The following B3GALNT2 variants were observed in gnomAD, a reference collection of about 807,000 sequenced individuals.
The protein encoded by B3GALNT2 is beta-1,3-N-acetylgalactosaminyltransferase 2.
A neutral mutation model predicts 61.1 loss-of-function variants in B3GALNT2; 53 were observed. The observed-to-expected ratio is 0.87, with a 90% CI of 0.70 to 1.09. B3GALNT2 has a LOEUF of 1.09. Among genes scored for constraint, B3GALNT2 ranks in the 50% least tolerant of loss-of-function variants. B3GALNT2 has a pLI of 0.00. For synonymous variants in B3GALNT2, 223 were observed against 237.4 expected (o/e 0.94, Z 0.56); for missense variants, 544 against 623.0 (o/e 0.87, Z 1.35).
rs914788710 is a variant in B3GALNT2, at chr1:235,447,997, T to C, written c.*2209A>G. ...GGGCCAGGGCGGGCGGATCACGAGG[T>C]CAGGAGTTCAAGACCAGCCTGGCCA... On this transcript the variant is annotated 3_prime_UTR_variant, in exon 12 of 12. Transcript: ENST00000366600. Among the ~76,000 whole-genome samples, 14 of 151,684 alleles carry C rather than the reference T, an allele frequency of 9.2e-5. No individual in the cohort carries two copies. Among genetic ancestry groups the C allele is most frequent in the African/African-American group, 3.1e-4 (13 of 41,302 alleles).
rs201318545 is a variant in B3GALNT2 at position 235,448,419 on chromosome 1, G to T, written c.*1787C>A. 16 of 1,614,070 alleles carry T rather than the reference G, an allele frequency of 9.9e-6. No individual in the cohort carries two copies. In the East Asian group the frequency reaches 1.8e-4, roughly 18 times the overall value. On this transcript the variant is annotated 3_prime_UTR_variant, in exon 12 of 12. Transcript: ENST00000366600. The stretch of plus-strand genomic sequence containing the variant: ...TCAAAGTTCCTGTGTCAGACCTTCT[G>T]TTGTCCTATGAAAGTCCCAAAGTAA...
intron 2 of B3GALNT2, among the ~76,000 whole-genome samples, chr1:235,491,132 A>G (rs991490574): frequency 1.3e-5 from 2 of 152,136 alleles, no homozygotes; most frequent in Non-Finnish European, 2.9e-5. Flanking sequence ...GTGTTCCAAA[A>G]CTATTACCTG....
chr1:235,480,211 AG>A, intron 4 of B3GALNT2, 62 bp from the exon 5 acceptor site: 1 of 1,589,774 alleles, frequency 6.3e-7, no homozygotes, highest in Non-Finnish European at 8.6e-7. Context: ...ATATGCAAAA[AG>A]TTTTCAAACA....
intron 6 of B3GALNT2, among the ~76,000 whole-genome samples, chr1:235,468,701 T>C (rs1382336047): frequency 6.7e-6 from 1 of 149,316 alleles, no homozygotes; most frequent in Admixed American, 6.7e-5. Context: ...TCCTCCCACC[T>C]CAGCCTCCCG....
rs556238424 is a variant in B3GALNT2, at chr1:235,449,138, AAAGGGTTACTAG to A, written c.*1056_*1067del. The A allele has an allele frequency of 2.2e-3, 595 of 272,336 alleles. 3 individuals carry two copies. The highest frequency in any genetic ancestry group is 0.013 in the African/African-American group (565 of 44,486). 16.9% of individuals were successfully genotyped at this position (272,336 alleles called of 1,614,324 possible). Reference sequence around the variant, plus strand: ...AATTCTCTATTGAAACTACTATTTTAAAGGGTTACTAGAAATGATTTGGTTGGTCATTTTGGG... The same window carrying A: ...AATTCTCTATTGAAACTACTATTTTAAAATGATTTGGTTGGTCATTTTGGG... On this transcript the variant is annotated 3_prime_UTR_variant, in exon 12 of 12. Transcript: ENST00000366600.
the B3GALNT2 span, among the ~76,000 whole-genome samples, chr1:235,439,889 C>A: frequency 6.6e-6 from 1 of 152,132 alleles, no homozygotes; most frequent in Admixed American, 6.6e-5. Context: ...GCAACCTCCA[C>A]CTCCTGGGTT....
At chr1:235,444,544 T>C (rs546374546), downstream of B3GALNT2, among the ~76,000 whole-genome samples, 1 of 152,244 alleles carries the variant, frequency 6.6e-6, no homozygotes, top group Non-Finnish European at 1.5e-5. Flanking sequence ...GCTGGGACTA[T>C]AGGCACGAAC....
chr1:235,466,351 G>A (rs1213646270), intron 6 of B3GALNT2, among the ~76,000 whole-genome samples: 1 of 151,614 alleles, frequency 6.6e-6, no homozygotes, highest in African/African-American at 2.4e-5. Flanking sequence ...TTACAGGCGT[G>A]AGCCACCACA....
rs1684096023 is a variant in B3GALNT2 at position 235,473,383 on chromosome 1, T to C, written c.652-2423A>G. 2.6e-5 allele frequency among the ~76,000 whole-genome samples: 4 copies of C among 152,220 alleles called. No individual in the cohort carries two copies. The South Asian group carries it at 8.3e-4, about 32-fold the overall frequency. On this transcript the variant is annotated intron_variant, in intron 5 of 11. Coordinates refer to ENST00000366600, the MANE Select transcript of B3GALNT2 (RefSeq NM_152490.5). ...ATAGAGTTTGGAAGGATTGATAGCA[T>C]ATATACTTAGGATAAGGAACTGATA...
chr1:235,502,960 A>G (rs1028520284), intron 1 of B3GALNT2, among the ~76,000 whole-genome samples: 38 of 152,382 alleles, frequency 2.5e-4, no homozygotes, highest in African/African-American at 7.9e-4. Context: ...CTGTACTTTC[A>G]TTAAATCACT....
At position 235,448,624 on chromosome 1, in the gene B3GALNT2, G is replaced by A. The variant is rs1421830109; in HGVS notation, c.*1582C>T. 12 of 1,529,342 alleles carry A rather than the reference G, an allele frequency of 7.8e-6. No homozygotes were observed. Among genetic ancestry groups the A allele is most frequent in the South Asian group, 2.2e-5 (2 of 89,308 alleles). The allele number at this position is 1,529,342 out of a possible 1,614,324, so 94.7% of individuals were successfully genotyped here. ...AAGAGTATGTGTAGCATGCTTTATC[G>A]GATCTGTCTTAATCACATCCTTCCC... On this transcript the variant is annotated 3_prime_UTR_variant, in exon 12 of 12. Transcript: ENST00000366600.
intron 7 of B3GALNT2, 86 bp downstream of exon 7, chr1:235,465,548 CAA>C: frequency 6.5e-7 from 1 of 1,534,998 alleles, no homozygotes; most frequent in Non-Finnish European, 8.8e-7. Flanking sequence ...TTTTAAAAGA[CAA>C]AAAAGAAAAA....
intron 8 of B3GALNT2, among the ~76,000 whole-genome samples, chr1:235,455,960 C>A (rs1029207179): frequency 3.9e-5 from 6 of 152,156 alleles, no homozygotes; most frequent in Non-Finnish European, 7.3e-5. Flanking sequence ...TTAAATGGAA[C>A]ATATGTTCAA....
chr1:235,482,564 C>T (rs1042113402), intron 4 of B3GALNT2, among the ~76,000 whole-genome samples: 2 of 150,934 alleles, frequency 1.3e-5, no homozygotes, highest in South Asian at 2.1e-4. Flanking sequence ...GCAAGTGAGA[C>T]AATGTTTAGT....
chr1:235,490,661 C>T (rs186745931), intron 2 of B3GALNT2, among the ~76,000 whole-genome samples: 433 of 152,214 alleles, frequency 2.8e-3, no homozygotes, highest in African/African-American at 1.0e-2. Context: ...CAACTGTCAA[C>T]TTTTCAGAAA....
intron 6 of B3GALNT2, among the ~76,000 whole-genome samples, chr1:235,466,237 T>C (rs1347523975): frequency 6.6e-6 from 1 of 151,096 alleles, no homozygotes; most frequent in African/African-American, 2.4e-5. Context: ...TTTCTTTTTT[T>C]TTTTTTTTCA....
At chr1:235,472,826 C>T (rs1572516352) in intron 5 of B3GALNT2, among the ~76,000 whole-genome samples, 1 of 152,268 alleles carries the variant, frequency 6.6e-6, no homozygotes, top group South Asian at 2.1e-4. Flanking sequence ...GGAAACCATA[C>T]AAAATTCAAT....
the B3GALNT2 span, among the ~76,000 whole-genome samples, chr1:235,439,838 G>A: frequency 6.6e-6 from 1 of 151,776 alleles, no homozygotes; most frequent in South Asian, 2.1e-4. Context: ...GTCTTGCTCT[G>A]TCACCCAGGC....
At chr1:235,469,802 T>A (rs1410242273) in intron 6 of B3GALNT2, among the ~76,000 whole-genome samples, 2 of 151,920 alleles carry the variant, frequency 1.3e-5, no homozygotes, top group Non-Finnish European at 2.9e-5. Flanking sequence ...CCTCCAGTGG[T>A]CCACCCACCT....
Sources: allele counts gnomAD v4.1 joint callset (sites outside exome capture counted in the v4.1 genomes callset), GRCh38; gene constraint gnomAD v4.1.1; transcripts MANE v1.5; gene names NCBI Gene and HGNC (gene_info 2026-07-23, HGNC 2026-07-21).